The following SAMD12 variants were observed in gnomAD, a reference collection of about 807,000 sequenced individuals.
SAMD12 encodes sterile alpha motif domain containing 12.
SAMD12 carries 9 observed loss-of-function variants against 15.0 expected under a neutral mutation model. The observed-to-expected ratio is 0.60, with a 90% CI of 0.36 to 1.05. The LOEUF (loss-of-function observed/expected upper bound fraction) is 1.05. Ranked by LOEUF, SAMD12 falls within the 50% of genes least tolerant of loss-of-function variation. SAMD12 has a pLI of 0.01. For synonymous variants in SAMD12, 86 were observed against 90.1 expected (o/e 0.96, Z 0.25); for missense variants, 230 against 234.2 (o/e 0.98, Z 0.12).
At chr8:118,452,464 T>A (rs1823112895) in intron 2 of SAMD12, among the ~76,000 whole-genome samples, 1 of 152,216 alleles carries the variant, frequency 6.6e-6, no homozygotes, top group African/African-American at 2.4e-5. Flanking sequence ...ATACTAGGTT[T>A]CATACAATTA....
At chr8:118,311,325 C>T (rs1815620409) in intron 4 of SAMD12, among the ~76,000 whole-genome samples, 1 of 152,218 alleles carries the variant, frequency 6.6e-6, no homozygotes, top group African/African-American at 2.4e-5. Flanking sequence ...CCAAATCTAA[C>T]CCACTACCTT....
chr8:118,222,340 C>T (rs972591424), intron 4 of SAMD12, among the ~76,000 whole-genome samples: 1 of 151,950 alleles, frequency 6.6e-6, no homozygotes, highest in Non-Finnish European at 1.5e-5. Context: ...CAGCAGAGGA[C>T]CTTGGATTTG....
chr8:118,510,444 A>T (rs557611675), intron 2 of SAMD12, among the ~76,000 whole-genome samples: 1 of 152,342 alleles, frequency 6.6e-6, no homozygotes, highest in South Asian at 2.1e-4. Flanking sequence ...CACATGTTTT[A>T]TAGAGGTTTC....
intron 2 of SAMD12, among the ~76,000 whole-genome samples, chr8:118,510,623 G>C (rs966531739): frequency 2.0e-5 from 3 of 152,162 alleles, no homozygotes; most frequent in Non-Finnish European, 2.9e-5. Flanking sequence ...GTGTAAACTT[G>C]GCATGGTCAC....
the SAMD12 span, among the ~76,000 whole-genome samples, chr8:118,170,687 G>A: frequency 6.6e-6 from 1 of 152,054 alleles, no homozygotes; most frequent in African/African-American, 2.4e-5. Context: ...ACACAGAATG[G>A]ATTAAAGATG....
At chr8:118,256,311 T>G (rs1288552150) in intron 4 of SAMD12, among the ~76,000 whole-genome samples, 1 of 152,164 alleles carries the variant, frequency 6.6e-6, no homozygotes, top group African/African-American at 2.4e-5. Context: ...CTATAACTAG[T>G]GTAAATACAT....
intron 3 of SAMD12, among the ~76,000 whole-genome samples, chr8:118,437,432 C>T (rs1259066266): frequency 6.6e-6 from 1 of 152,182 alleles, no homozygotes; most frequent in African/African-American, 2.4e-5. Flanking sequence ...GAAATAACAG[C>T]ATGTTTTTCG....
Position 118,354,432 on chromosome 8 carries a change from C to G in SAMD12, c.433+25128G>C, listed in dbSNP as rs182924220. 1.5e-3 allele frequency among the ~76,000 whole-genome samples: 228 copies of G among 152,294 alleles called. 1 individual carries two copies. The highest frequency in any genetic ancestry group is 3.4e-3 in the Middle Eastern group (1 of 294). ...CTTTTCCTTCCTCCCAGCCTTTGCT[C>G]ATGCTACCACCCTAAATGGAGTTTT... is the stretch of plus-strand genomic sequence containing the variant. On this transcript the variant is annotated intron_variant, in intron 4 of 4. Transcript: ENST00000409003.
At chr8:118,470,030 CCT>C (rs1329698521) in intron 2 of SAMD12, among the ~76,000 whole-genome samples, 1 of 151,948 alleles carries the variant, frequency 6.6e-6, no homozygotes, top group Non-Finnish European at 1.5e-5. Context: ...ATGGAATACT[CCT>C]CATCTTTTAG....
chr8:118,599,305 T>C (rs1827797513), intron 1 of SAMD12, among the ~76,000 whole-genome samples: 1 of 152,192 alleles, frequency 6.6e-6, no homozygotes, highest in Admixed American at 6.5e-5. Flanking sequence ...CTGCACTACA[T>C]GTAGCTCTTT....
chr8:118,242,700 C>T (rs114716584), intron 4 of SAMD12, among the ~76,000 whole-genome samples: 2 of 151,994 alleles, frequency 1.3e-5, no homozygotes, highest in Admixed American at 1.3e-4. Context: ...AAAGGCATGA[C>T]CACCTTCCCT....
At chr8:118,334,666 G>A (rs1423493033) in intron 4 of SAMD12, among the ~76,000 whole-genome samples, 1 of 152,108 alleles carries the variant, frequency 6.6e-6, no homozygotes, top group African/African-American at 2.4e-5. Flanking sequence ...AGCGATCATG[G>A]CTCACTGAAG....
rs367844796 is a variant in SAMD12 at position 118,580,710 on chromosome 8, C to A, written c.192+5G>T. Reference sequence around the variant, plus strand: ...ATCTCCGTAATTAACTGGAATATTACGCACCTTAGCCGTCTCAGCTTCTGC... The same window carrying A: ...ATCTCCGTAATTAACTGGAATATTAAGCACCTTAGCCGTCTCAGCTTCTGC... On this transcript the variant is annotated splice_donor_5th_base_variant and intron_variant, in intron 2 of 3. Transcript: ENST00000314727. The A allele has an allele frequency of 6.2e-7, 1 of 1,607,150 alleles. No individual in the cohort carries two copies. The highest frequency in any genetic ancestry group is 8.5e-7 in the Non-Finnish European group (1 of 1,174,888).
At chr8:118,360,955 A>G (rs926438233) in intron 4 of SAMD12, among the ~76,000 whole-genome samples, 2 of 152,128 alleles carry the variant, frequency 1.3e-5, no homozygotes, top group African/African-American at 4.8e-5. Context: ...CTCTGCTTAA[A>G]GCTCTTCCAC....
chr8:118,377,011 C>G (rs746777661), downstream of SAMD12, among the ~76,000 whole-genome samples: 4 of 151,986 alleles, frequency 2.6e-5, no homozygotes, highest in Non-Finnish European at 4.4e-5. Context: ...ATAAAAACAA[C>G]TTATCAATTT....
intron 2 of SAMD12, among the ~76,000 whole-genome samples, chr8:118,517,470 A>G (rs939534636): frequency 3.3e-5 from 5 of 152,250 alleles, no homozygotes; most frequent in African/African-American, 7.2e-5. Context: ...TTCTTGGTAC[A>G]TAAGTGACTG....
intron 2 of SAMD12, among the ~76,000 whole-genome samples, chr8:118,494,305 A>T (rs1418747288): frequency 6.6e-6 from 1 of 152,178 alleles, no homozygotes; most frequent in Non-Finnish European, 1.5e-5. Flanking sequence ...TGGACTTCTG[A>T]TGTCTATAAC....
the SAMD12 span, among the ~76,000 whole-genome samples, chr8:118,178,889 C>T: frequency 1.4e-4 from 21 of 152,188 alleles, no homozygotes; most frequent in African/African-American, 4.1e-4. Flanking sequence ...GTCTAATGTA[C>T]GTGGGGCACC....
At chr8:118,529,044 A>G (rs1825612285) in intron 2 of SAMD12, among the ~76,000 whole-genome samples, 1 of 152,174 alleles carries the variant, frequency 6.6e-6, no homozygotes, top group Admixed American at 6.6e-5. Context: ...TCCTCTGGCA[A>G]GAAATTGGGG....
Sources: allele counts gnomAD v4.1 joint callset (sites outside exome capture counted in the v4.1 genomes callset), GRCh38; gene constraint gnomAD v4.1.1; transcripts MANE v1.5; gene names NCBI Gene and HGNC (gene_info 2026-07-23, HGNC 2026-07-21).